CDH12: variants seen among roughly 807,000 people sequenced by gnomAD.
The protein encoded by CDH12 is cadherin-12.
A neutral mutation model predicts 74.1 loss-of-function variants in CDH12; 41 were observed. The ratio of observed to expected loss-of-function variants is 0.55; its 90% CI spans 0.43 to 0.72. The LOEUF (loss-of-function observed/expected upper bound fraction) is 0.72. Among genes scored for constraint, CDH12 ranks in the 30% least tolerant of loss-of-function variants. The pLI is 0.00. For missense variants in CDH12, 945 were observed against 977.2 expected (o/e 0.97, Z 0.44); for synonymous variants, 399 against 355.0 (o/e 1.12, Z -1.39).
chr5:21,885,415 A>G (rs1561273254), intron 6 of CDH12, among the ~76,000 whole-genome samples: 1 of 152,070 alleles, frequency 6.6e-6, no homozygotes, highest in Non-Finnish European at 1.5e-5. Flanking sequence ...GTTTACAGAG[A>G]AATGGTTATA....
chr5:22,738,400 G>T (rs1372755499), intron 1 of CDH12, among the ~76,000 whole-genome samples: 1 of 152,034 alleles, frequency 6.6e-6, no homozygotes, highest in Non-Finnish European at 1.5e-5. Context: ...AATTGACAAT[G>T]TCTGCTTTGT....
At chr5:21,880,677 TTCTTTC>T (rs1269000455) in intron 6 of CDH12, among the ~76,000 whole-genome samples, 2 of 132,086 alleles carry the variant, frequency 1.5e-5, no homozygotes, top group Non-Finnish European at 3.3e-5. Context: ...CTTTCTTTCT[TTCTTTC>T]TTTCTTTCTC....
intron 3 of CDH12, among the ~76,000 whole-genome samples, chr5:22,385,760 C>T (rs1580592787): frequency 6.6e-6 from 1 of 152,016 alleles, no homozygotes; most frequent in East Asian, 1.9e-4. Flanking sequence ...CATAATTCCA[C>T]AGGCTGTACA....
At position 22,549,135 on chromosome 5, in the gene CDH12, T is replaced by G. The variant is rs928784098; in HGVS notation, c.-522-43771A>C. Among the ~76,000 whole-genome samples, 599 of 147,162 alleles carry G rather than the reference T, an allele frequency of 4.1e-3. 5 individuals are homozygous for G. The highest frequency in any genetic ancestry group is 0.013 in the African/African-American group (531 of 40,380). ...TTTTGTTTGTTTATTTGTTTTTTTT[T>G]TGTTTTTTTTGTTTTTTTGTAGAGA... On this transcript the variant is annotated intron_variant, in intron 1 of 14. Coordinates refer to ENST00000382254, the MANE Select transcript of CDH12 (RefSeq NM_004061.5).
At chr5:22,460,131 T>C (rs1317639782) in intron 2 of CDH12, among the ~76,000 whole-genome samples, 1 of 152,214 alleles carries the variant, frequency 6.6e-6, no homozygotes, top group East Asian at 1.9e-4. Flanking sequence ...GCTAGAAATA[T>C]TAAGTTTAAA....
intron 14 of CDH12, among the ~76,000 whole-genome samples, chr5:21,754,167 C>T (rs145666391): frequency 5.1e-4 from 77 of 152,088 alleles, no homozygotes; most frequent in African/African-American, 1.7e-3. Flanking sequence ...GGCCTTTGTG[C>T]GGGGTTGTGA....
At chr5:22,758,974 A>G (rs1218351490) in intron 1 of CDH12, among the ~76,000 whole-genome samples, 2 of 152,210 alleles carry the variant, frequency 1.3e-5, no homozygotes, top group African/African-American at 4.8e-5. Flanking sequence ...GACTTGCTCA[A>G]AGCAGATATT....
intron 2 of CDH12, among the ~76,000 whole-genome samples, chr5:22,406,322 A>G (rs76203220): frequency 2.0e-5 from 3 of 152,160 alleles, no homozygotes; most frequent in Non-Finnish European, 4.4e-5. Context: ...TCATCACTCA[A>G]TACTAGGTAT....
chr5:22,270,646 T>A (rs779967733), intron 3 of CDH12, among the ~76,000 whole-genome samples: 13 of 151,556 alleles, frequency 8.6e-5, no homozygotes, highest in Non-Finnish European at 1.9e-4. Flanking sequence ...CACATCTATA[T>A]ATATAATTTT....
Position 22,120,700 on chromosome 5 carries a change from T to C in CDH12, c.-186-41838A>G, listed in dbSNP as rs137870741. On this transcript the variant is annotated intron_variant, in intron 4 of 14. Transcript: ENST00000382254. ...ACTCATTTGGCATTTGTTTTTGACA[T>C]GATTTTGTTTACTTTTCTTTCTTTT... Among the ~76,000 whole-genome samples, 727 of 152,260 alleles carry C rather than the reference T, an allele frequency of 4.8e-3. 4 individuals are homozygous for C. The highest frequency in any genetic ancestry group is 0.016 in the African/African-American group (686 of 41,576).
At chr5:22,241,842 T>A (rs1368821280) in intron 3 of CDH12, among the ~76,000 whole-genome samples, 2 of 152,010 alleles carry the variant, frequency 1.3e-5, no homozygotes, top group African/African-American at 4.8e-5. Flanking sequence ...AATAATAGAA[T>A]TTTTGCTTAA....
At chr5:22,624,577 C>T (rs1738170247) in intron 1 of CDH12, among the ~76,000 whole-genome samples, 1 of 152,102 alleles carries the variant, frequency 6.6e-6, no homozygotes, top group African/African-American at 2.4e-5. Context: ...CATCACTGGC[C>T]ATCAGAGAAA....
chr5:22,128,980 A>C (rs1746030953), intron 4 of CDH12, among the ~76,000 whole-genome samples: 1 of 152,234 alleles, frequency 6.6e-6, no homozygotes, highest in South Asian at 2.1e-4. Flanking sequence ...CATTTTGTAG[A>C]GATAGTAACT....
intron 1 of CDH12, among the ~76,000 whole-genome samples, chr5:22,513,707 G>A (rs940768396): frequency 2.0e-5 from 3 of 151,984 alleles, no homozygotes; most frequent in Admixed American, 2.0e-4. Flanking sequence ...CAGCACTTTG[G>A]GAGACTGAGG....
In CDH12 at chr5:22,201,757, G is replaced by C. The variant is rs1367987745; in HGVS notation, c.-187+10741C>G. On this transcript the variant is annotated intron_variant, in intron 4 of 14. Coordinates refer to ENST00000382254, the MANE Select transcript of CDH12 (RefSeq NM_004061.5). Reference sequence around the variant, plus strand: ...GAGAAGCCTTAACATGGGGGTAATAGGGCAAGCTTGTATTCAGAGATATCA... The same window carrying C: ...GAGAAGCCTTAACATGGGGGTAATACGGCAAGCTTGTATTCAGAGATATCA... Among the ~76,000 whole-genome samples the C allele has an allele frequency of 3.9e-5, 6 of 152,202 alleles. No homozygotes were observed. The South Asian group carries it at 1.0e-3, about 26-fold the overall frequency.
At chr5:22,276,035 C>A (rs992676975) in intron 3 of CDH12, among the ~76,000 whole-genome samples, 31 of 151,906 alleles carry the variant, frequency 2.0e-4, no homozygotes, top group Non-Finnish European at 8.8e-5. Context: ...AAGTTTAAAC[C>A]AAATCAATTT....
At chr5:22,030,793 CTGT>C (rs930822043) in intron 5 of CDH12, among the ~76,000 whole-genome samples, 7 of 152,326 alleles carry the variant, frequency 4.6e-5, no homozygotes, top group Non-Finnish European at 7.3e-5. Context: ...CTTTGAAAAT[CTGT>C]TGTTTAATGT....
rs138890010 is a variant in CDH12 at position 21,765,011 on chromosome 5, C to T, written c.1482G>A (p.Glu494=). The change falls in exon 12 of 15, where the codon GAG becomes GAA. Residue 494 remains glutamate, a synonymous_variant. Coordinates refer to ENST00000382254, the MANE Select transcript of CDH12 (RefSeq NM_004061.5). ...GCTTGGCATTTTCACACACGGCTGT[C>T]TCATATGGCACAGATATTTCTGGAG... ...EFPPEISVPY[E]TAVCENAKPG... The T allele has an allele frequency of 4.2e-5, 68 of 1,613,480 alleles. 1 individual carries two copies. Among genetic ancestry groups the T allele is most frequent in the Non-Finnish European group, 5.3e-5 (63 of 1,179,718 alleles).
chr5:22,359,436 C>G (rs1238232126), intron 3 of CDH12, among the ~76,000 whole-genome samples: 2 of 152,068 alleles, frequency 1.3e-5, no homozygotes, highest in Admixed American at 1.3e-4. Flanking sequence ...AAAGCAAGTC[C>G]TTAGAGATCT....
Sources: gnomAD v4.1 joint callset for allele counts (sites outside exome capture counted in the v4.1 genomes callset) on GRCh38, gnomAD v4.1.1 for gene constraint, MANE v1.5 for transcripts, NCBI Gene and HGNC (gene_info 2026-07-23, HGNC 2026-07-21) for gene names.